BMPER: variants seen among roughly 807,000 people sequenced by gnomAD.
BMPER encodes BMP-binding endothelial regulator protein.
BMPER carries 45 observed loss-of-function variants against 87.3 expected under a neutral mutation model. The ratio of observed to expected loss-of-function variants is 0.52; its 90% CI spans 0.41 to 0.66. BMPER has a LOEUF of 0.66. BMPER is among the 30% of genes least tolerant of loss of function. BMPER has a pLI of 0.00. For synonymous variants in BMPER, 326 were observed against 316.2 expected, an observed-to-expected ratio of 1.03 and a Z score of -0.33; for missense variants, 784 against 867.5, an observed-to-expected ratio of 0.90 and a Z score of 1.21.
At chr7:33,970,044 CAAG>C (rs1212272492) in intron 4 of BMPER, among the ~76,000 whole-genome samples, 1 of 152,118 alleles carries the variant, frequency 6.6e-6, no homozygotes, top group Admixed American at 6.5e-5. Context: ...TTACTGACAG[CAAG>C]AAGGTCTTAA....
At chr7:34,028,617 T>G (rs1022392798) in intron 6 of BMPER, among the ~76,000 whole-genome samples, 1 of 133,772 alleles carries the variant, frequency 7.5e-6, no homozygotes, top group Non-Finnish European at 1.6e-5. Flanking sequence ...TTTTTTTTTT[T>G]TTTTTTTTTT....
At chr7:34,065,263 T>C (rs972158003) in intron 11 of BMPER, among the ~76,000 whole-genome samples, 30 of 146,678 alleles carry the variant, frequency 2.0e-4, no homozygotes, top group Admixed American at 1.2e-3. Context: ...TCTCTCTCTC[T>C]CCCCATGATG....
chr7:34,009,324 T>C (rs1786817613), intron 6 of BMPER, among the ~76,000 whole-genome samples: 1 of 151,980 alleles, frequency 6.6e-6, no homozygotes, highest in African/African-American at 2.4e-5. Context: ...ACCTTATTCT[T>C]TCTGAACTAT....
chr7:33,976,213 C>G (rs941679306), intron 6 of BMPER, among the ~76,000 whole-genome samples: 4 of 152,052 alleles, frequency 2.6e-5, no homozygotes, highest in Non-Finnish European at 4.4e-5. Flanking sequence ...AGTGCAGTGG[C>G]ACTATGTCAG....
intron 13 of BMPER, among the ~76,000 whole-genome samples, chr7:34,121,272 A>G (rs2127989218): frequency 6.6e-6 from 1 of 152,262 alleles, no homozygotes; most frequent in South Asian, 2.1e-4. Context: ...CTACATAGGT[A>G]TTTGTTGTAT....
Position 34,155,934 on chromosome 7 carries a change from A to G in BMPER, c.*2661A>G, listed in dbSNP as rs1401911064. 4 of 152,228 alleles carry G rather than the reference A, an allele frequency of 2.6e-5. No homozygotes were observed. The highest frequency in any genetic ancestry group is 2.9e-5 in the Non-Finnish European group (2 of 68,040). 9.4% of individuals were successfully genotyped at this position (152,228 alleles called of 1,614,324 possible). A position where few individuals can be genotyped will look rare whatever the true frequency, so the allele number is the denominator to read the frequency against. ...AGCATAATTATGATTCTAATTGCCC[A>G]TTGTTGGTACTCAGTAAAACTAAGT... On this transcript the variant is annotated 3_prime_UTR_variant, in exon 15 of 15. Transcript: ENST00000649409.
At chr7:33,957,368 T>A (rs569139432) in intron 3 of BMPER, among the ~76,000 whole-genome samples, 3 of 150,050 alleles carry the variant, frequency 2.0e-5, no homozygotes, top group Admixed American at 1.3e-4. Flanking sequence ...GGCTACATAC[T>A]AGATGATCCC....
chr7:33,934,569 A>C (rs1784559699), intron 2 of BMPER, among the ~76,000 whole-genome samples: 1 of 151,698 alleles, frequency 6.6e-6, no homozygotes, highest in African/African-American at 2.4e-5. Context: ...ATCTGGTTGG[A>C]ATAACTTTTG....
chr7:34,131,288 G>C (rs953753512), intron 13 of BMPER, among the ~76,000 whole-genome samples: 1 of 151,988 alleles, frequency 6.6e-6, no homozygotes, highest in African/African-American at 2.4e-5. Flanking sequence ...GCTATCCCTC[G>C]GCAGCCAAGG....
intron 3 of BMPER, among the ~76,000 whole-genome samples, chr7:33,956,555 G>A (rs538553727): frequency 2.0e-5 from 3 of 152,098 alleles, no homozygotes; most frequent in South Asian, 4.2e-4. Flanking sequence ...TGCCTCTCCT[G>A]TCTCCCCTTC....
intron 2 of BMPER, among the ~76,000 whole-genome samples, chr7:33,914,559 C>T (rs886767123): frequency 1.3e-5 from 2 of 152,080 alleles, no homozygotes; most frequent in Non-Finnish European, 2.9e-5. Context: ...AAGGTAGAAA[C>T]GCCATGTAGG....
intron 11 of BMPER, chr7:34,067,357 G>A (rs973379274): frequency 2.0e-5 from 3 of 152,068 alleles, no homozygotes; most frequent in Non-Finnish European, 4.4e-5. Flanking sequence ...GCTGTAGGAG[G>A]GGGAGACTAT....
Position 34,153,327 on chromosome 7 carries a change from G to A in BMPER, c.*54G>A. 2 of 1,600,352 alleles carry A rather than the reference G, an allele frequency of 1.2e-6. No homozygotes were observed. The highest frequency in any genetic ancestry group is 1.7e-6 in the Non-Finnish European group (2 of 1,168,964). The stretch of plus-strand genomic sequence containing the variant: ...ATCTGGTGACTTTGACACTGAAGCG[G>A]AAGAGCCAATGAAGGACTGCAGTAT... On this transcript the variant is annotated 3_prime_UTR_variant, in exon 15 of 15. Transcript: ENST00000649409.
At chr7:34,057,142 C>G (rs139430744) in intron 9 of BMPER, among the ~76,000 whole-genome samples, 15 of 151,918 alleles carry the variant, frequency 9.9e-5, no homozygotes, top group African/African-American at 3.4e-4. Flanking sequence ...GGGGAGTCAT[C>G]AAATATCTCA....
chr7:33,977,666 A>G (rs1260836529), intron 6 of BMPER, among the ~76,000 whole-genome samples: 2 of 152,184 alleles, frequency 1.3e-5, no homozygotes, highest in Non-Finnish European at 2.9e-5. Context: ...AGAGAGAAAT[A>G]TAAACATATT....
chr7:34,118,173 T>C (rs1432846975), intron 13 of BMPER, among the ~76,000 whole-genome samples: 2 of 151,916 alleles, frequency 1.3e-5, no homozygotes, highest in Non-Finnish European at 2.9e-5. Flanking sequence ...GGCATGATCA[T>C]GCATGCCTGT....
chr7:34,094,797 C>T (rs945147698), intron 13 of BMPER, among the ~76,000 whole-genome samples: 8 of 152,138 alleles, frequency 5.3e-5, no homozygotes, highest in African/African-American at 1.9e-4. Context: ...AGGCACGTAT[C>T]CAGGCCTGGT....
chr7:34,016,466 T>A (rs1279817200), intron 6 of BMPER, among the ~76,000 whole-genome samples: 1 of 152,008 alleles, frequency 6.6e-6, no homozygotes, highest in Non-Finnish European at 1.5e-5. Flanking sequence ...TTCCCTTCTC[T>A]TTTAAAATTA....
At chr7:33,937,514 G>GTGTGTGTGTGTGTGTGTT in intron 3 of BMPER, 126 bp downstream of exon 3, 1 of 335,218 alleles carries the variant, frequency 3.0e-6, no homozygotes, top group Non-Finnish European at 5.0e-6. Context: ...GAGAAGTAGG[G>GTGTGTGTGTGTGTGTGTT]TGTGTGTGTG....
Sources: allele counts gnomAD v4.1 joint callset (sites outside exome capture counted in the v4.1 genomes callset), GRCh38; gene constraint gnomAD v4.1.1; transcripts MANE v1.5; gene names NCBI Gene and HGNC (gene_info 2026-07-23, HGNC 2026-07-21).